Variants in DPP8 observed in about 807,000 individuals in gnomAD.
The protein encoded by DPP8 is DPP VIII.
In DPP8, 31 loss-of-function variants were observed where a neutral mutation model predicts 107.5. That is an observed-to-expected ratio of 0.29 (90% confidence interval 0.22 to 0.39). DPP8 has a LOEUF of 0.39. Among genes scored for constraint, DPP8 ranks in the 10% least tolerant of loss-of-function variants. The pLI is 1.00. For missense variants in DPP8, 842 were observed against 1,076.1 expected (o/e 0.78, Z 3.04); for synonymous variants, 381 against 356.6 (o/e 1.07, Z -0.77).
chr15:65,499,123 A>G (rs928306717), intron 4 of DPP8, among the ~76,000 whole-genome samples: 5 of 144,026 alleles, frequency 3.5e-5, no homozygotes, highest in Admixed American at 2.0e-4. Flanking sequence ...AAATTTATTA[A>G]GATGAATTAG....
rs747925407 is a variant in DPP8 at position 65,480,353 on chromosome 15, C to G, written c.1165G>C (p.Val389Leu). 1.2e-6 allele frequency: 2 copies of G among 1,613,604 alleles called. No homozygotes were observed. The highest frequency in any genetic ancestry group is 1.7e-6 in the Non-Finnish European group (2 of 1,179,852). Residue 389 changes from valine to leucine, a missense_variant, in exon 10 of 20, where the codon GTG becomes CTG. This residue lies in a region of DPP8 where 663 missense variants were observed against 758.0 expected (regional missense o/e 0.87). Transcript: ENST00000300141. ...ATAAATAATTCAGGTGAGATCAACA[C>G]TATCTGTAGGCGAGTCTGGGAGCGA... ...LDRSQTRLQIVLISPELFIPV... is the reference protein window; with the variant it reads ...LDRSQTRLQILLISPELFIPV...
chr15:65,497,969 AT>A lies in DPP8; in HGVS notation c.609del (p.Lys203AsnfsTer24). The A allele has an allele frequency of 6.2e-7, 1 of 1,611,906 alleles. No individual in the cohort carries two copies. The highest frequency in any genetic ancestry group is 8.5e-7 in the Non-Finnish European group (1 of 1,178,596). On this transcript the variant is annotated frameshift_variant, in exon 5 of 20. Coordinates refer to ENST00000300141, the MANE Select transcript of DPP8 (RefSeq NM_130434.5). LOFTEE classifies it high-confidence loss of function. ...TSCPNIRMDP[K>X]LCPADPDWIA... ...ATCCAGTCTGGATCAGCAGGGCATA[AT>A]TTTGGATCCATCCGTATGTTGGGAC...
intron 4 of DPP8, among the ~76,000 whole-genome samples, chr15:65,499,061 CAA>C (rs927487377): frequency 1.8e-4 from 21 of 115,592 alleles, no homozygotes; most frequent in South Asian, 5.7e-4. Flanking sequence ...GTCTCCCCCC[CAA>C]AAAAAAAGTG....
At chr15:65,452,143 AAG>A (rs780731899) in intron 17 of DPP8, 41 bp from the exon 18 acceptor site, 30 of 1,576,882 alleles carry the variant, frequency 1.9e-5, no homozygotes, top group African/African-American at 1.6e-4. Context: ...GGTCTGGAAA[AAG>A]AGAGTGGCTA....
chr15:65,500,539 T>C, intron 4 of DPP8, 67 bp downstream of exon 4: 1 of 1,302,618 alleles, frequency 7.7e-7, no homozygotes, highest in Non-Finnish European at 1.1e-6. Flanking sequence ...TTAATTACCT[T>C]TCTGCTTTGG....
At chr15:65,514,246 C>T (rs1488237560) in intron 1 of DPP8, among the ~76,000 whole-genome samples, 1 of 152,108 alleles carries the variant, frequency 6.6e-6, no homozygotes, top group Non-Finnish European at 1.5e-5. Context: ...ACAAAGTGGC[C>T]AGAAAACCTA....
At chr15:65,499,538 T>C (rs184509410) in intron 4 of DPP8, among the ~76,000 whole-genome samples, 133 of 151,876 alleles carry the variant, frequency 8.8e-4, no homozygotes, top group African/African-American at 3.0e-3. Context: ...TATCTTTCTA[T>C]ACAGCAAGTA....
At chr15:65,459,236 G>A (rs1567151800) in intron 15 of DPP8, among the ~76,000 whole-genome samples, 2 of 151,864 alleles carry the variant, frequency 1.3e-5, no homozygotes, top group African/African-American at 4.8e-5. Flanking sequence ...GAGTGCAATG[G>A]CATGATCACA....
At chr15:65,491,160 C>CAAAAAAAAAAAA (rs764574499) in intron 5 of DPP8, among the ~76,000 whole-genome samples, 1 of 55,008 alleles carries the variant, frequency 1.8e-5, no homozygotes, top group Non-Finnish European at 3.7e-5. Flanking sequence ...GACTCCGTCT[C>CAAAAAAAAAAAA]AAAAAAAAAA....
chr15:65,500,824 A>G (rs1282755526), intron 3 of DPP8, 45 bp from the exon 4 acceptor site: 3 of 1,470,690 alleles, frequency 2.0e-6, no homozygotes, highest in African/African-American at 2.8e-5. Flanking sequence ...CTGAAAAACC[A>G]TCTTTTGCTT....
At chr15:65,499,896 A>AT (rs1038083038) in intron 4 of DPP8, among the ~76,000 whole-genome samples, 17 of 152,158 alleles carry the variant, frequency 1.1e-4, no homozygotes, top group African/African-American at 3.9e-4. Context: ...AACTAGAAAG[A>AT]TTATTAACTC....
chr15:65,497,884 C>A lies in DPP8; in HGVS notation c.695G>T (p.Arg232Ile). 1 of 1,564,762 alleles carries A rather than the reference C, an allele frequency of 6.4e-7. No individual in the cohort carries two copies. The highest frequency in any genetic ancestry group is 1.2e-5 in the South Asian group (1 of 82,238). The change falls in exon 5 of 20, where the codon AGA becomes ATA. Residue 232 changes from arginine (R) to isoleucine (I), a missense_variant. Physicochemically the swap from Arg to Ile is moderately conservative, Grantham distance 97. Coordinates refer to ENST00000300141, the MANE Select transcript of DPP8 (RefSeq NM_130434.5). Reference protein sequence around the residue: ...ISNIVTREERRLTYVHNELAN... With the variant: ...ISNIVTREERILTYVHNELAN... Reference sequence around the variant, plus strand: ...CTTACCATTGTGCACATAAGTGAGTCTCCTTTCTTCTCTGGTTACGATGTT... The same window carrying A: ...CTTACCATTGTGCACATAAGTGAGTATCCTTTCTTCTCTGGTTACGATGTT...
intron 16 of DPP8, 93 bp from the exon 17 acceptor site, chr15:65,454,508 C>T: frequency 2.7e-6 from 3 of 1,123,774 alleles, no homozygotes; most frequent in South Asian, 3.1e-5. Context: ...ACTAAAAATA[C>T]CTGTAGGTGT....
At chr15:65,506,435 A>G (rs1280516806) in intron 3 of DPP8, among the ~76,000 whole-genome samples, 1 of 151,924 alleles carries the variant, frequency 6.6e-6, no homozygotes, top group Non-Finnish European at 1.5e-5. Flanking sequence ...GGATATTTTC[A>G]ACAATTTACT....
chr15:65,505,029 T>C (rs938916174), intron 3 of DPP8, among the ~76,000 whole-genome samples: 2 of 151,904 alleles, frequency 1.3e-5, no homozygotes, highest in Admixed American at 1.3e-4. Context: ...CTGATATATT[T>C]CAGGAATGAC....
At chr15:65,450,843 C>T in intron 19 of DPP8, 156 bp downstream of exon 19, 1 of 528,778 alleles carries the variant, frequency 1.9e-6, no homozygotes, top group Non-Finnish European at 3.3e-6. Flanking sequence ...AATTTTTATC[C>T]AACTACAGGC....
chr15:65,456,105 T>TCC (rs2064393218), intron 16 of DPP8, 120 bp downstream of exon 16: 33 of 1,051,280 alleles, frequency 3.1e-5, no homozygotes, highest in South Asian at 6.4e-5. Flanking sequence ...CTCTAACACA[T>TCC]ACACTCTCAC....
rs2063528650 is a variant in DPP8, at chr15:65,447,017, A to G, written c.2527-11T>C. On this transcript the variant is annotated splice_polypyrimidine_tract_variant and intron_variant, in intron 19 of 19. Coordinates refer to ENST00000300141, the MANE Select transcript of DPP8 (RefSeq NM_130434.5). ...CTCCTGAGGATAGATCTTACCAACAACAAAAAATAAAGATACAAAAAAAAA... is the reference window on the plus strand; with the variant it reads ...CTCCTGAGGATAGATCTTACCAACAGCAAAAAATAAAGATACAAAAAAAAA... 2.6e-6 allele frequency: 4 copies of G among 1,546,164 alleles called. No individual in the cohort carries two copies. The highest frequency in any genetic ancestry group is 3.5e-6 in the Non-Finnish European group (4 of 1,151,732).
At position 65,483,361 on chromosome 15, in the gene DPP8, C is replaced by T. The variant is rs956836621; in HGVS notation, c.1017+1738G>A. 6.6e-5 allele frequency among the ~76,000 whole-genome samples: 10 copies of T among 151,646 alleles called. 1 individual carries two copies. The East Asian group carries it at 1.4e-3, about 21-fold the overall frequency. On this transcript the variant is annotated intron_variant, in intron 8 of 19. Coordinates refer to ENST00000300141, the MANE Select transcript of DPP8 (RefSeq NM_130434.5). The stretch of plus-strand genomic sequence containing the variant: ...GCAACATAGGGAAATCCTGTCGCTA[C>T]GAAAAATAAAATTAGCGGGGCATGG...
Sources: allele counts gnomAD v4.1 joint callset (sites outside exome capture counted in the v4.1 genomes callset), GRCh38; gene constraint gnomAD v4.1.1; regional missense constraint gnomAD v4.1.1; transcripts MANE v1.5; gene names NCBI Gene and HGNC (gene_info 2026-07-23, HGNC 2026-07-21).